Variants in RBMS3 observed in about 807,000 individuals in gnomAD.
RBMS3 encodes RNA binding motif single stranded interacting protein 3.
A neutral mutation model predicts 66.8 loss-of-function variants in RBMS3; 27 were observed. That is an observed-to-expected ratio of 0.40 (90% CI 0.30 to 0.56). RBMS3 has a LOEUF of 0.56. Among genes scored for constraint, RBMS3 ranks in the 20% least tolerant of loss-of-function variants. RBMS3 has a pLI of 0.40. For synonymous variants in RBMS3, 188 were observed against 183.0 expected, an observed-to-expected ratio of 1.03 and a Z score of -0.22; for missense variants, 513 against 549.5, an observed-to-expected ratio of 0.93 and a Z score of 0.66.
At chr3:29,989,033 T>A (rs2149796744) in intron 13 of RBMS3, among the ~76,000 whole-genome samples, 1 of 152,336 alleles carries the variant, frequency 6.6e-6, no homozygotes, top group Non-Finnish European at 1.5e-5. Flanking sequence ...ACATCATATT[T>A]TTAAAAGATC....
At chr3:29,999,857 A>G (rs183412388) in intron 14 of RBMS3, among the ~76,000 whole-genome samples, 127 of 152,244 alleles carry the variant, frequency 8.3e-4, no homozygotes, top group Non-Finnish European at 1.3e-3. Context: ...ATGTGTACAT[A>G]TGTAACAAAC....
intron 4 of RBMS3, among the ~76,000 whole-genome samples, chr3:29,651,952 C>T (rs1465291532): frequency 2.6e-5 from 4 of 152,108 alleles, no homozygotes; most frequent in African/African-American, 9.7e-5. Context: ...AGTTTTAAAA[C>T]ATTTTTTATC....
chr3:29,505,605 A>G (rs774003124), intron 3 of RBMS3, among the ~76,000 whole-genome samples: 33 of 141,858 alleles, frequency 2.3e-4, no homozygotes, highest in Admixed American at 5.6e-4. Flanking sequence ...ACTTTTTTTT[A>G]TTTCTGTGAA....
intron 6 of RBMS3, among the ~76,000 whole-genome samples, chr3:29,774,750 A>C (rs759041440): frequency 1.3e-5 from 2 of 152,088 alleles, no homozygotes; most frequent in Non-Finnish European, 2.9e-5. Context: ...CAAAAGCTGG[A>C]ATATGGAAGC....
At chr3:29,867,927 C>T (rs977804977) in intron 6 of RBMS3, among the ~76,000 whole-genome samples, 4 of 151,966 alleles carry the variant, frequency 2.6e-5, no homozygotes, top group Admixed American at 6.6e-5. Flanking sequence ...AGAAATTAAC[C>T]TTCCCAGCCA....
chr3:29,746,765 A>G (rs2054914849), intron 5 of RBMS3, among the ~76,000 whole-genome samples: 1 of 152,160 alleles, frequency 6.6e-6, no homozygotes, highest in Non-Finnish European at 1.5e-5. Flanking sequence ...ATAACTTGTT[A>G]TTCTGAAGTC....
At chr3:29,577,966 CTA>C (rs1476281088) in intron 3 of RBMS3, among the ~76,000 whole-genome samples, 1 of 152,160 alleles carries the variant, frequency 6.6e-6, no homozygotes, top group Non-Finnish European at 1.5e-5. Context: ...GGGGTACAAA[CTA>C]TGTAGGTTTC....
intron 14 of RBMS3, among the ~76,000 whole-genome samples, chr3:29,999,122 CAAAAG>C (rs200641780): frequency 0.032 from 4,917 of 152,258 alleles, 265 homozygotes; most frequent in African/African-American, 0.11. Flanking sequence ...AGACACTTCT[CAAAAG>C]AAGACATTTA....
intron 5 of RBMS3, among the ~76,000 whole-genome samples, chr3:29,742,650 A>G (rs2054697298): frequency 6.6e-6 from 1 of 152,212 alleles, no homozygotes; most frequent in African/African-American, 2.4e-5. Flanking sequence ...TCTTTCAAAT[A>G]AAATATATCA....
intron 4 of RBMS3, among the ~76,000 whole-genome samples, chr3:29,735,396 G>A (rs1414883936): frequency 1.3e-5 from 2 of 152,128 alleles, no homozygotes; most frequent in Non-Finnish European, 2.9e-5. Context: ...AACTTTTAAT[G>A]AGCTTTTGAC....
At chr3:29,939,254 A>C (rs2061336559) in intron 11 of RBMS3, among the ~76,000 whole-genome samples, 1 of 152,016 alleles carries the variant, frequency 6.6e-6, no homozygotes, top group Non-Finnish European at 1.5e-5. Flanking sequence ...ATATATAATC[A>C]ATTTTTAAAT....
At chr3:29,376,029 T>C (rs1233616121) in intron 1 of RBMS3, among the ~76,000 whole-genome samples, 1 of 152,114 alleles carries the variant, frequency 6.6e-6, no homozygotes, top group Non-Finnish European at 1.5e-5. Flanking sequence ...AATGAGATCA[T>C]GTCCTTTGCA....
intron 6 of RBMS3, among the ~76,000 whole-genome samples, chr3:29,860,701 A>C (rs575931154): frequency 1.3e-5 from 2 of 152,344 alleles, no homozygotes; most frequent in African/African-American, 2.4e-5. Context: ...TATTGAATAC[A>C]TGTGGGTCAA....
intron 4 of RBMS3, among the ~76,000 whole-genome samples, chr3:29,685,813 T>C (rs2051707000): frequency 6.6e-6 from 1 of 152,172 alleles, no homozygotes; most frequent in Non-Finnish European, 1.5e-5. Context: ...TGCCTGCCAG[T>C]CATTTATATG....
chr3:29,745,564 G>A (rs1171083374), intron 5 of RBMS3, among the ~76,000 whole-genome samples: 3 of 152,066 alleles, frequency 2.0e-5, no homozygotes, highest in African/African-American at 7.2e-5. Flanking sequence ...GGCCAGTAAA[G>A]AATGACCCAA....
chr3:29,815,336 T>C (rs2057854856), intron 6 of RBMS3, among the ~76,000 whole-genome samples: 1 of 152,188 alleles, frequency 6.6e-6, no homozygotes, highest in Non-Finnish European at 1.5e-5. Context: ...TATAGTCACC[T>C]CTTTTAGAAC....
chr3:29,962,453 A>G (rs1696534116), intron 12 of RBMS3, among the ~76,000 whole-genome samples: 1 of 151,742 alleles, frequency 6.6e-6, no homozygotes, highest in Admixed American at 6.6e-5. Flanking sequence ...AACGGCACTG[A>G]GGTGGGGTGT....
chr3:29,891,309 ATC>A (rs1044489553), intron 8 of RBMS3, among the ~76,000 whole-genome samples: 32 of 151,768 alleles, frequency 2.1e-4, no homozygotes, highest in Middle Eastern at 3.4e-3. Flanking sequence ...CAGTTCTGTC[ATC>A]TGCCTGAATC....
chr3:29,442,896 C>G (rs1393840931), intron 2 of RBMS3, among the ~76,000 whole-genome samples: 2 of 152,052 alleles, frequency 1.3e-5, no homozygotes, highest in Non-Finnish European at 2.9e-5. Context: ...TTCTACCTGT[C>G]TCTTGAATAT....
Sources: gnomAD v4.1 joint callset for allele counts (sites outside exome capture counted in the v4.1 genomes callset) on GRCh38, gnomAD v4.1.1 for gene constraint, MANE v1.5 for transcripts, NCBI Gene and HGNC (gene_info 2026-07-23, HGNC 2026-07-21) for gene names.